Variants in VTA1 observed in about 807,000 individuals in gnomAD.
VTA1 encodes the protein vesicle trafficking 1.
VTA1 carries 24 observed loss-of-function variants against 36.9 expected under a neutral mutation model. The ratio of observed to expected loss-of-function variants is 0.65; its 90% CI spans 0.47 to 0.91. VTA1 has a LOEUF of 0.91. Among genes scored for constraint, VTA1 ranks in the 40% least tolerant of loss-of-function variants. VTA1 has a pLI of 0.00. For synonymous variants in VTA1, 142 were observed against 130.2 expected, an observed-to-expected ratio of 1.09 and a Z score of -0.62; for missense variants, 393 against 377.2, an observed-to-expected ratio of 1.04 and a Z score of -0.35.
At chr6:142,184,722 G>C (rs1165582140) in intron 4 of VTA1, among the ~76,000 whole-genome samples, 2 of 152,162 alleles carry the variant, frequency 1.3e-5, no homozygotes, top group Admixed American at 6.5e-5. Context: ...ATAAGACTGA[G>C]TGTCCACAAT....
At chr6:142,209,273 A>G (rs1775853907) in intron 7 of VTA1, among the ~76,000 whole-genome samples, 1 of 152,064 alleles carries the variant, frequency 6.6e-6, no homozygotes, top group African/African-American at 2.4e-5. Flanking sequence ...CAAATTAAGA[A>G]AGCAATCCCA....
chr6:142,164,945 G>A (rs865933391), intron 1 of VTA1, among the ~76,000 whole-genome samples: 5 of 152,146 alleles, frequency 3.3e-5, no homozygotes, highest in African/African-American at 1.2e-4. Context: ...ATTCTAGTTA[G>A]GGTACAGACA....
chr6:142,172,800 T>C (rs772022214), intron 4 of VTA1, among the ~76,000 whole-genome samples: 3 of 151,992 alleles, frequency 2.0e-5, no homozygotes, highest in Non-Finnish European at 4.4e-5. Flanking sequence ...AGAAGAATAG[T>C]GAGAATTCAG....
intron 5 of VTA1, among the ~76,000 whole-genome samples, chr6:142,195,595 C>CTT (rs72442499): frequency 3.3e-4 from 23 of 70,692 alleles, no homozygotes; most frequent in South Asian, 3.0e-3. Flanking sequence ...GTTTAATTTG[C>CTT]TTTTTTTTTT....
At chr6:142,202,288 G>C (rs924533490) in intron 6 of VTA1, among the ~76,000 whole-genome samples, 1 of 151,806 alleles carries the variant, frequency 6.6e-6, no homozygotes, top group Non-Finnish European at 1.5e-5. Context: ...CATTGAATAG[G>C]TCAGCCTAAG....
intron 4 of VTA1, among the ~76,000 whole-genome samples, chr6:142,181,185 G>A (rs1775230500): frequency 7.1e-6 from 1 of 140,748 alleles, no homozygotes; most frequent in African/African-American, 2.6e-5. Flanking sequence ...CCAGGGTGGA[G>A]TGCAGTGGCG....
chr6:142,216,242 A>G (rs1776002985), intron 7 of VTA1, among the ~76,000 whole-genome samples: 1 of 152,046 alleles, frequency 6.6e-6, no homozygotes, highest in Non-Finnish European at 1.5e-5. Flanking sequence ...GTTTACCCTT[A>G]TATATTTTTC....
rs1258261044 is a variant in VTA1, at chr6:142,224,519, G to A, written c.*5876G>A. On this transcript the variant is annotated 3_prime_UTR_variant, in exon 8 of 8. Transcript: ENST00000367630. ...AGTTAAACTTTATTTATTTACATGT[G>A]TCTCCCTCATTAGATGCTAAGTTCC... 6.6e-6 allele frequency: 1 copy of A among 151,992 alleles called. No individual in the cohort carries two copies. The highest frequency in any genetic ancestry group is 1.5e-5 in the Non-Finnish European group (1 of 68,020). The allele number at this position is 151,992 out of a possible 1,614,324, so 9.4% of individuals were successfully genotyped here.
At chr6:142,193,119 G>C (rs1775484668) in intron 5 of VTA1, among the ~76,000 whole-genome samples, 1 of 151,994 alleles carries the variant, frequency 6.6e-6, no homozygotes, top group Non-Finnish European at 1.5e-5. Flanking sequence ...AGCTCCCCAG[G>C]ATTTCTAGTG....
In VTA1 at chr6:142,220,280, T is replaced by A. The variant is rs1422364630; in HGVS notation, c.*1637T>A. 1 of 152,208 alleles carries A rather than the reference T, an allele frequency of 6.6e-6. No individual in the cohort carries two copies. The highest frequency in any genetic ancestry group is 1.5e-5 in the Non-Finnish European group (1 of 68,042). 9.4% of individuals were successfully genotyped at this position (152,208 alleles called of 1,614,324 possible). ...GAAAGATGGCCAGGATGACCTTTAG[T>A]GTTACATGATGTTCAGCAAATTTTA... On this transcript the variant is annotated 3_prime_UTR_variant, in exon 8 of 8. Transcript: ENST00000367630.
intron 7 of VTA1, among the ~76,000 whole-genome samples, chr6:142,210,190 G>A (rs1775875237): frequency 6.6e-6 from 1 of 152,152 alleles, no homozygotes; most frequent in African/African-American, 2.4e-5. Context: ...TCAATAAATA[G>A]TGCTGGGAAA....
At chr6:142,213,147 G>A (rs114795620) in intron 7 of VTA1, among the ~76,000 whole-genome samples, 182 of 152,310 alleles carry the variant, frequency 1.2e-3, no homozygotes, top group African/African-American at 4.1e-3. Flanking sequence ...TACAGTGAGG[G>A]TGCAGGCACT....
At chr6:142,201,487 A>G (rs1775683482) in intron 6 of VTA1, among the ~76,000 whole-genome samples, 2 of 151,966 alleles carry the variant, frequency 1.3e-5, no homozygotes, top group South Asian at 2.1e-4. Context: ...TGTGCTTTCA[A>G]CACTGCACAG....
At chr6:142,168,954 A>G (rs1774976832) in intron 2 of VTA1, among the ~76,000 whole-genome samples, 1 of 151,688 alleles carries the variant, frequency 6.6e-6, no homozygotes, top group Admixed American at 6.6e-5. Flanking sequence ...TATTTTTAGT[A>G]GAGACGGGGT....
At chr6:142,215,108 A>G (rs1225864076) in intron 7 of VTA1, among the ~76,000 whole-genome samples, 1 of 152,162 alleles carries the variant, frequency 6.6e-6, no homozygotes. Flanking sequence ...ATCTCTGAAT[A>G]GTATTAGAGT....
chr6:142,167,215 A>C (rs577643816), intron 2 of VTA1, among the ~76,000 whole-genome samples: 1 of 152,246 alleles, frequency 6.6e-6, no homozygotes, highest in Admixed American at 6.5e-5. Context: ...CTTTTGGAGA[A>C]GTGCCTATTG....
rs1276649473 is a variant in VTA1 at position 142,219,351 on chromosome 6, C to G, written c.*708C>G. The G allele has an allele frequency of 6.6e-6, 1 of 152,168 alleles. No homozygotes were observed. The highest frequency in any genetic ancestry group is 2.4e-5 in the African/African-American group (1 of 41,442). The allele number at this position is 152,168 out of a possible 1,614,324, so 9.4% of individuals were successfully genotyped here. ...ATTTGCTTCATAGGCAGTTTGACTG[C>G]ATGTATTAGAGAATGAAAAGAAGAT... On this transcript the variant is annotated 3_prime_UTR_variant, in exon 8 of 8. Coordinates refer to ENST00000367630, the MANE Select transcript of VTA1 (RefSeq NM_016485.5).
At chr6:142,197,668 C>G (rs1775579553) in intron 5 of VTA1, among the ~76,000 whole-genome samples, 1 of 152,120 alleles carries the variant, frequency 6.6e-6, no homozygotes, top group Admixed American at 6.6e-5. Context: ...CGCGGTAAAT[C>G]TTAAGTAAAA....
At chr6:142,202,351 TATATTC>T (rs1458591747) in intron 6 of VTA1, among the ~76,000 whole-genome samples, 1 of 151,980 alleles carries the variant, frequency 6.6e-6, no homozygotes, top group Admixed American at 6.6e-5. Flanking sequence ...TTTCTATAAA[TATATTC>T]ATATACACAG....
Sources: gnomAD v4.1 joint callset for allele counts (sites outside exome capture counted in the v4.1 genomes callset) on GRCh38, gnomAD v4.1.1 for gene constraint, MANE v1.5 for transcripts, NCBI Gene and HGNC (gene_info 2026-07-23, HGNC 2026-07-21) for gene names.